Variants in CADPS observed in about 807,000 individuals in gnomAD.
CADPS encodes calcium dependent secretion activator.
CADPS carries 57 observed loss-of-function variants against 167.3 expected under a neutral mutation model. That is an observed-to-expected ratio of 0.34 (90% CI 0.28 to 0.42). The LOEUF is 0.42. CADPS is among the 20% of genes least tolerant of loss of function. The probability of loss-of-function intolerance (pLI) is 1.00; values close to 1 mark genes in which losing one functional copy is unlikely to be tolerated. For missense variants in CADPS, 1,414 were observed against 1,738.1 expected, an observed-to-expected ratio of 0.81 and a Z score of 3.32; for synonymous variants, 676 against 635.3, an observed-to-expected ratio of 1.06 and a Z score of -0.96.
intron 1 of CADPS, among the ~76,000 whole-genome samples, chr3:62,857,192 G>C (rs147368600): frequency 6.6e-6 from 1 of 151,972 alleles, no homozygotes; most frequent in Admixed American, 6.6e-5. Context: ...AGAATATAAA[G>C]AGACAATAAA....
chr3:62,601,193 C>G lies in CADPS; in HGVS notation c.1326-8445G>C, dbSNP rs950181213. On this transcript the variant is annotated intron_variant, in intron 6 of 29. Transcript: ENST00000383710. The surrounding 1 kb of genome is among the most constrained non-coding windows in gnomAD (Gnocchi z 4.3). ...GTATTTTCAAATGGCTGAAAATAAT[C>G]AAAGGAATATTTGCAACACATGAAT... Among the ~76,000 whole-genome samples the G allele has an allele frequency of 2.0e-5, 3 of 152,000 alleles. No homozygotes were observed. The highest frequency in any genetic ancestry group is 4.4e-5 in the Non-Finnish European group (3 of 68,008).
intron 26 of CADPS, among the ~76,000 whole-genome samples, chr3:62,448,840 G>A (rs1056495582): frequency 6.6e-6 from 1 of 152,052 alleles, no homozygotes; most frequent in Non-Finnish European, 1.5e-5. Context: ...TCTCAAACTT[G>A]TGACCTCAGG....
At chr3:62,865,534 A>G (rs1380306516) in intron 1 of CADPS, among the ~76,000 whole-genome samples, 1 of 152,072 alleles carries the variant, frequency 6.6e-6, no homozygotes, top group Non-Finnish European at 1.5e-5. Context: ...AATTTATTTC[A>G]TATCTCTCAA....
chr3:62,799,951 T>G (rs1218505706), intron 1 of CADPS, among the ~76,000 whole-genome samples: 1 of 152,134 alleles, frequency 6.6e-6, no homozygotes, highest in African/African-American at 2.4e-5. Context: ...GAGGGAAGAT[T>G]TGTTTCCTGA....
At chr3:62,500,358 G>C (rs1369625098) in intron 17 of CADPS, 2 of 152,132 alleles carry the variant, frequency 1.3e-5, no homozygotes, top group African/African-American at 4.8e-5. Context: ...GTTTCACCTT[G>C]CTGGCCAGGA....
At chr3:62,624,450 A>G (rs1324489524) in intron 6 of CADPS, among the ~76,000 whole-genome samples, 1 of 152,140 alleles carries the variant, frequency 6.6e-6, no homozygotes, top group African/African-American at 2.4e-5. Flanking sequence ...TCTGTTAAGT[A>G]TACAGCTTTG....
At chr3:62,824,951 T>A (rs2073765383) in intron 1 of CADPS, among the ~76,000 whole-genome samples, 1 of 152,066 alleles carries the variant, frequency 6.6e-6, no homozygotes, top group South Asian at 2.1e-4. Flanking sequence ...GAAGTCAGCT[T>A]TACATACCAA....
In CADPS at chr3:62,855,091, A is replaced by ATTTTTTTTTTTTTTTTTTTT. The variant is rs554197608; in HGVS notation, c.441+19497_441+19498insAAAAAAAAAAAAAAAAAAAA. Among the ~76,000 whole-genome samples the ATTTTTTTTTTTTTTTTTTTT allele has an allele frequency of 5.9e-3, 546 of 92,638 alleles. 9 individuals carry two copies. The highest frequency in any genetic ancestry group is 0.01 in the Middle Eastern group (1 of 96). The allele number at this position is 92,638 out of a possible 152,430, so 60.8% of individuals were successfully genotyped here. On this transcript the variant is annotated intron_variant, in intron 1 of 29. Transcript: ENST00000383710. ...AGGCACGTGCCATCATGCCCGGCTAATTTTTTTTTTTTTTTTTTGTCTTTT... is the reference window on the plus strand; with the variant it reads ...AGGCACGTGCCATCATGCCCGGCTAATTTTTTTTTTTTTTTTTTTTTTTTTTTTTTTTTTTTTTGTCTTTT...
intron 28 of CADPS, among the ~76,000 whole-genome samples, chr3:62,423,270 T>C (rs1430360577): frequency 1.3e-4 from 20 of 152,214 alleles, no homozygotes; most frequent in Non-Finnish European, 1.0e-4. Flanking sequence ...CGAAAAGACC[T>C]GCCCTAATGG....
At chr3:62,560,301 C>T (rs897456599) in intron 9 of CADPS, among the ~76,000 whole-genome samples, 10 of 152,298 alleles carry the variant, frequency 6.6e-5, no homozygotes, top group African/African-American at 2.4e-4. Flanking sequence ...ATTTTTTAAA[C>T]TTCCACAAGA....
At chr3:62,404,882 G>C (rs368926471) in intron 28 of CADPS, 3 of 151,608 alleles carry the variant, frequency 2.0e-5, no homozygotes, top group African/African-American at 7.3e-5. Context: ...TCCCCTCTAG[G>C]GGTGAGAACA....
At chr3:62,689,301 C>T (rs2078659965) in intron 3 of CADPS, among the ~76,000 whole-genome samples, 1 of 151,814 alleles carries the variant, frequency 6.6e-6, no homozygotes, top group African/African-American at 2.4e-5. Flanking sequence ...AAACATTTTC[C>T]TTATAAGAGG....
intron 16 of CADPS, among the ~76,000 whole-genome samples, chr3:62,513,457 T>C (rs2068303064): frequency 6.6e-6 from 1 of 151,850 alleles, no homozygotes; most frequent in African/African-American, 2.4e-5. Context: ...GTCTAACCTG[T>C]TTTAGGCTGA....
intron 6 of CADPS, among the ~76,000 whole-genome samples, chr3:62,623,964 A>AC (rs2063587125): frequency 1.3e-5 from 2 of 151,716 alleles, no homozygotes; most frequent in African/African-American, 2.4e-5. Context: ...TGTCACCACG[A>AC]GGGTGGGGGT....
intron 1 of CADPS, among the ~76,000 whole-genome samples, chr3:62,776,069 A>C (rs2090208241): frequency 1.3e-5 from 2 of 152,212 alleles, no homozygotes; most frequent in Admixed American, 1.3e-4. Context: ...ATGTCTTGGC[A>C]TTACTAGGAA....
In CADPS at chr3:62,544,921, C is replaced by T; in HGVS notation, c.1966+4982G>A. The stretch of plus-strand genomic sequence containing the variant: ...TAACATAAAGACTAGCAACAAGGCT[C>T]AGGAAAGCAGACAGGAGTTCTAACC... On this transcript the variant is annotated intron_variant, in intron 11 of 29. Coordinates refer to ENST00000383710, the MANE Select transcript of CADPS (RefSeq NM_003716.4). This position sits in a 1 kb window ranked among gnomAD's most constrained non-coding sequence, Gnocchi z 4.4. 1.9e-6 allele frequency: 2 copies of T among 1,057,568 alleles called. No homozygotes were observed. The highest frequency in any genetic ancestry group is 2.4e-6 in the Non-Finnish European group (2 of 829,524). The allele number at this position is 1,057,568 out of a possible 1,614,324, so 65.5% of individuals were successfully genotyped here.
At chr3:62,621,800 C>G (rs924044164) in intron 6 of CADPS, among the ~76,000 whole-genome samples, 14 of 151,994 alleles carry the variant, frequency 9.2e-5, no homozygotes, top group African/African-American at 3.4e-4. Flanking sequence ...TCCGTGAGTT[C>G]CCATCATTTA....
intron 3 of CADPS, among the ~76,000 whole-genome samples, chr3:62,732,730 C>T (rs2078170123): frequency 6.6e-6 from 1 of 152,198 alleles, no homozygotes; most frequent in Non-Finnish European, 1.5e-5. Context: ...AGAGGGAATG[C>T]TGCACCTGGT....
At chr3:62,811,325 G>A (rs1218453922) in intron 1 of CADPS, among the ~76,000 whole-genome samples, 2 of 151,584 alleles carry the variant, frequency 1.3e-5, no homozygotes. Context: ...ACATTCTCCT[G>A]CACTCCTTCA....
Sources: gnomAD v4.1 joint callset for allele counts (sites outside exome capture counted in the v4.1 genomes callset) on GRCh38, gnomAD v4.1.1 for gene constraint, Gnocchi (gnomAD v3.1) non-coding constraint, MANE v1.5 for transcripts, NCBI Gene and HGNC (gene_info 2026-07-23, HGNC 2026-07-21) for gene names.